The following ADGRA3 variants were observed in gnomAD, a reference collection of about 807,000 sequenced individuals.
The protein encoded by ADGRA3 is adhesion G protein-coupled receptor A3.
A neutral mutation model predicts 119.8 loss-of-function variants in ADGRA3; 56 were observed. That is an observed-to-expected ratio of 0.47 (90% CI 0.38 to 0.58). The LOEUF (loss-of-function observed/expected upper bound fraction) is 0.58, where lower values mean the gene tolerates loss of function less well. ADGRA3 is among the 20% of genes least tolerant of loss of function. The pLI is 0.00. For missense variants in ADGRA3, 1,516 were observed against 1,649.0 expected (o/e 0.92, Z 1.40); for synonymous variants, 607 against 623.8 (o/e 0.97, Z 0.40).
intron 4 of ADGRA3, among the ~76,000 whole-genome samples, chr4:22,448,610 G>A (rs1225724712): frequency 1.3e-5 from 2 of 152,168 alleles, no homozygotes; most frequent in Non-Finnish European, 2.9e-5. Flanking sequence ...AGTTGGAGAA[G>A]AGAACTGATC....
chr4:22,419,622 T>C (rs1715568174), intron 12 of ADGRA3, among the ~76,000 whole-genome samples: 1 of 152,186 alleles, frequency 6.6e-6, no homozygotes, highest in Non-Finnish European at 1.5e-5. Flanking sequence ...TCGTCATTTT[T>C]AATCCCTTTC....
At chr4:22,472,269 G>A (rs1257324938) in intron 2 of ADGRA3, among the ~76,000 whole-genome samples, 1 of 152,158 alleles carries the variant, frequency 6.6e-6, no homozygotes, top group South Asian at 2.1e-4. Context: ...GGAATGTACT[G>A]TCTCACACAA....
chr4:22,396,265 G>A (rs919965728), intron 16 of ADGRA3, among the ~76,000 whole-genome samples: 7 of 152,172 alleles, frequency 4.6e-5, no homozygotes, highest in African/African-American at 1.7e-4. Context: ...AAACCAGAGT[G>A]AGAAGTACCT....
intron 11 of ADGRA3, among the ~76,000 whole-genome samples, chr4:22,422,055 A>G (rs1715723531): frequency 6.6e-6 from 1 of 152,200 alleles, no homozygotes; most frequent in African/African-American, 2.4e-5. Context: ...GTCAATACAG[A>G]CAGCCACCAG....
chr4:22,497,305 G>A (rs949422696), intron 1 of ADGRA3, among the ~76,000 whole-genome samples: 3 of 152,110 alleles, frequency 2.0e-5, no homozygotes, highest in Non-Finnish European at 2.9e-5. Context: ...TTTTTAAAAA[G>A]TGTGTATGTG....
At chr4:22,500,573 A>G (rs1484603746) in intron 1 of ADGRA3, among the ~76,000 whole-genome samples, 3 of 152,348 alleles carry the variant, frequency 2.0e-5, no homozygotes, top group East Asian at 3.9e-4. Context: ...GAATATTACC[A>G]AACCAGTTTT....
At chr4:22,482,454 G>A (rs1718286228) in intron 1 of ADGRA3, among the ~76,000 whole-genome samples, 1 of 150,116 alleles carries the variant, frequency 6.7e-6, no homozygotes, top group Non-Finnish European at 1.5e-5. Flanking sequence ...CCAGGAGTTA[G>A]AGACCAGCCT....
intron 10 of ADGRA3, among the ~76,000 whole-genome samples, chr4:22,429,250 G>A (rs748261217): frequency 2.6e-5 from 4 of 152,126 alleles, no homozygotes; most frequent in African/African-American, 4.8e-5. Context: ...TTACAAACAC[G>A]TACGTGCACT....
At chr4:22,392,823 C>T in intron 16 of ADGRA3, 133 bp from the exon 17 acceptor site, 1 of 707,336 alleles carries the variant, frequency 1.4e-6, no homozygotes, top group Non-Finnish European at 2.3e-6. Context: ...AACTCTGTTG[C>T]CTGCTAAGGC....
intron 1 of ADGRA3, among the ~76,000 whole-genome samples, chr4:22,495,169 G>A (rs1053140525): frequency 9.9e-5 from 15 of 151,898 alleles, no homozygotes; most frequent in African/African-American, 3.6e-4. Context: ...TGACTAACAG[G>A]CAGGTAGCAG....
At position 22,387,936 on chromosome 4, in the gene ADGRA3, T is replaced by C; in HGVS notation, c.3735A>G (p.Thr1245=). 6.2e-7 allele frequency: 1 copy of C among 1,614,160 alleles called. No homozygotes were observed. Among genetic ancestry groups the C allele is most frequent in the Non-Finnish European group, 8.5e-7 (1 of 1,180,010 alleles). The change falls in exon 19 of 19, where the codon ACA becomes ACG. Residue 1245 remains threonine (T), a synonymous_variant. Coordinates refer to ENST00000334304, the MANE Select transcript of ADGRA3 (RefSeq NM_145290.4). ...PQQDSSDACS[T]LPKSSRNFEK... Reference sequence around the variant, plus strand: ...CAAAATTTCTGCTACTTTTGGGAAGTGTGCTACAAGCATCGCTGCTGTCTT... The same window carrying C: ...CAAAATTTCTGCTACTTTTGGGAAGCGTGCTACAAGCATCGCTGCTGTCTT...
At position 22,449,269 on chromosome 4, in the gene ADGRA3, C is replaced by CA. The variant is rs984900653; in HGVS notation, c.474-1759dup. On this transcript the variant is annotated intron_variant, in intron 4 of 18. Coordinates refer to ENST00000334304, the MANE Select transcript of ADGRA3 (RefSeq NM_145290.4). ...TGAGCAACAGAGTGAGACCCCGTCT[C>CA]AAAAAAAAAAAAAATTTTTTTTAAG... Among the ~76,000 whole-genome samples the CA allele has an allele frequency of 4.2e-3, 512 of 122,038 alleles. 3 individuals are homozygous for CA. Among genetic ancestry groups the CA allele is most frequent in the African/African-American group, 0.013 (433 of 32,482 alleles). 80.1% of individuals were successfully genotyped at this position (122,038 alleles called of 152,430 possible).
At chr4:22,508,324 C>G (rs1369865760) in intron 1 of ADGRA3, among the ~76,000 whole-genome samples, 1 of 152,128 alleles carries the variant, frequency 6.6e-6, no homozygotes, top group Admixed American at 6.5e-5. Flanking sequence ...TCAGCAAAGG[C>G]ACACAGGAAG....
At chr4:22,487,098 A>G (rs1242395959) in intron 1 of ADGRA3, among the ~76,000 whole-genome samples, 2 of 152,192 alleles carry the variant, frequency 1.3e-5, no homozygotes, top group Admixed American at 6.5e-5. Context: ...CCACCACACC[A>G]GTCTCCCCCA....
chr4:22,434,120 T>C (rs956318753), intron 10 of ADGRA3, among the ~76,000 whole-genome samples: 1 of 148,424 alleles, frequency 6.7e-6, no homozygotes, highest in African/African-American at 2.5e-5. Flanking sequence ...CTAATTCTTA[T>C]ATATATATTA....
chr4:22,483,727 G>A (rs1275791987), intron 1 of ADGRA3, among the ~76,000 whole-genome samples: 1 of 152,100 alleles, frequency 6.6e-6, no homozygotes, highest in Admixed American at 6.5e-5. Flanking sequence ...CTTAATTATG[G>A]CTTAATGTTT....
chr4:22,511,898 T>TC (rs1376798284), intron 1 of ADGRA3, among the ~76,000 whole-genome samples: 70 of 135,938 alleles, frequency 5.1e-4, no homozygotes, highest in Non-Finnish European at 9.2e-4. Context: ...TTTCTTTCTT[T>TC]TTTTTTTTTT....
intron 1 of ADGRA3, among the ~76,000 whole-genome samples, chr4:22,506,329 A>C (rs530547112): frequency 2.0e-4 from 30 of 152,180 alleles, no homozygotes; most frequent in Non-Finnish European, 3.5e-4. Flanking sequence ...AAGGTGCACC[A>C]ATCACTTGAA....
intron 3 of ADGRA3, among the ~76,000 whole-genome samples, chr4:22,459,835 G>A: frequency 6.6e-6 from 1 of 152,078 alleles, no homozygotes; most frequent in Non-Finnish European, 1.5e-5. Flanking sequence ...ATTGCTATCA[G>A]GAATACTCTG....
Sources: allele counts gnomAD v4.1 joint callset (sites outside exome capture counted in the v4.1 genomes callset), GRCh38; gene constraint gnomAD v4.1.1; transcripts MANE v1.5; gene names NCBI Gene and HGNC (gene_info 2026-07-23, HGNC 2026-07-21).